Variants in FBN1 observed in about 807,000 individuals in gnomAD.
The protein encoded by FBN1 is fibrillin 1.
Under a neutral mutation model 365.1 loss-of-function variants are expected in FBN1, and 29 were observed. The ratio of observed to expected loss-of-function variants is 0.08; its 90% CI spans 0.06 to 0.11. FBN1 has a LOEUF of 0.11. Ranked by LOEUF, FBN1 falls within the 10% of genes least tolerant of loss-of-function variation. The probability of loss-of-function intolerance (pLI) is 1.00; values close to 1 mark genes in which losing one functional copy is unlikely to be tolerated. For missense variants in FBN1, 2,476 were observed against 3,703.2 expected (o/e 0.67, Z 8.60); for synonymous variants, 1,210 against 1,270.5 (o/e 0.95, Z 1.01).
chr15:48,448,671 T>G, intron 46 of FBN1, 97 bp downstream of exon 46: 2 of 1,212,252 alleles, frequency 1.6e-6, no homozygotes, highest in Non-Finnish European at 2.3e-6. Context: ...ATAGCAAAAA[T>G]ACTACTAAAA....
Position 48,451,672 on chromosome 15 carries a change from C to T in FBN1, c.5545+890G>A, listed in dbSNP as rs149099170. 5.0e-3 allele frequency among the ~76,000 whole-genome samples: 761 copies of T among 152,170 alleles called. 5 individuals carry two copies. Among genetic ancestry groups the T allele is most frequent in the African/African-American group, 0.018 (728 of 41,510 alleles). On this transcript the variant is annotated intron_variant, in intron 45 of 65. Coordinates refer to ENST00000316623, the MANE Select transcript of FBN1 (RefSeq NM_000138.5). Reference sequence around the variant, plus strand: ...CCAGGAAACCCCCCGTGAAATGAACCGTGAGCAAAATAACACATTCTTCCT... The same window carrying T: ...CCAGGAAACCCCCCGTGAAATGAACTGTGAGCAAAATAACACATTCTTCCT...
At chr15:48,551,602 G>A (rs1209290328) in intron 6 of FBN1, among the ~76,000 whole-genome samples, 4 of 151,670 alleles carry the variant, frequency 2.6e-5, no homozygotes, top group Non-Finnish European at 5.9e-5. Context: ...TCGTTGTGCA[G>A]ATTATTTCAT....
chr15:48,515,818 G>C (rs2043796166), intron 11 of FBN1, among the ~76,000 whole-genome samples: 1 of 152,064 alleles, frequency 6.6e-6, no homozygotes, highest in Non-Finnish European at 1.5e-5. Flanking sequence ...AGAGATATTG[G>C]TATTGAACTA....
chr15:48,494,550 C>T (rs2043588177), intron 22 of FBN1, among the ~76,000 whole-genome samples: 1 of 152,188 alleles, frequency 6.6e-6, no homozygotes, highest in African/African-American at 2.4e-5. Flanking sequence ...GTAGCTTTCT[C>T]TCTTGCTGTT....
At chr15:48,623,936 C>A (rs964673350) in intron 2 of FBN1, among the ~76,000 whole-genome samples, 2 of 146,870 alleles carry the variant, frequency 1.4e-5, no homozygotes, top group Non-Finnish European at 3.0e-5. Context: ...CACACACATT[C>A]TCTCTCTCAC....
intron 42 of FBN1, among the ~76,000 whole-genome samples, chr15:48,461,797 ATAAAT>A (rs2043281945): frequency 6.6e-6 from 1 of 152,350 alleles, no homozygotes; most frequent in East Asian, 1.9e-4. Flanking sequence ...CAATATGGAA[ATAAAT>A]TAGTGAGCTC....
chr15:48,548,047 AGAG>A (rs1481954608), intron 6 of FBN1, among the ~76,000 whole-genome samples: 19 of 152,360 alleles, frequency 1.2e-4, no homozygotes, highest in African/African-American at 4.6e-4. Context: ...TTCATCAACA[AGAG>A]AAGATTCCTG....
chr15:48,636,727 G>A (rs1317052143), intron 2 of FBN1, among the ~76,000 whole-genome samples: 1 of 152,122 alleles, frequency 6.6e-6, no homozygotes, highest in Non-Finnish European at 1.5e-5. Flanking sequence ...GCCAGTGCCT[G>A]GTCACAGAAC....
chr15:48,499,203 C>T (rs2043635030), intron 17 of FBN1, among the ~76,000 whole-genome samples, 165 bp from the exon 18 acceptor site: 1 of 152,128 alleles, frequency 6.6e-6, no homozygotes. Flanking sequence ...ACCAGGCTCC[C>T]ATTTTAAAGG....
At chr15:48,465,748 A>T (rs764278423) in intron 39 of FBN1, 42 bp downstream of exon 39, 1 of 1,613,244 alleles carries the variant, frequency 6.2e-7, no homozygotes, top group South Asian at 1.1e-5. Flanking sequence ...ACCCAAGGAA[A>T]TTCAAGTTGT....
At chr15:48,573,863 A>G (rs2044325257) in intron 6 of FBN1, among the ~76,000 whole-genome samples, 1 of 152,230 alleles carries the variant, frequency 6.6e-6, no homozygotes, top group African/African-American at 2.4e-5. Context: ...ACAGGCCAGG[A>G]CGCCATGGAT....
intron 6 of FBN1, among the ~76,000 whole-genome samples, chr15:48,579,556 G>A (rs1316103027): frequency 6.6e-6 from 1 of 152,084 alleles, no homozygotes; most frequent in Non-Finnish European, 1.5e-5. Flanking sequence ...ATGGACATCT[G>A]GAATAGCTCA....
intron 6 of FBN1, among the ~76,000 whole-genome samples, chr15:48,544,965 T>C (rs2044084078): frequency 6.6e-6 from 1 of 152,322 alleles, no homozygotes; most frequent in South Asian, 2.1e-4. Context: ...GGTCTGCAAA[T>C]TCCACTTTAA....
At chr15:48,512,103 A>G (rs939330352) in intron 13 of FBN1, among the ~76,000 whole-genome samples, 2 of 152,208 alleles carry the variant, frequency 1.3e-5, no homozygotes, top group Non-Finnish European at 2.9e-5. Context: ...TTTTCTGCTT[A>G]AAATGGTCAT....
intron 9 of FBN1, among the ~76,000 whole-genome samples, chr15:48,524,655 T>C (rs2043892882): frequency 6.6e-6 from 1 of 151,974 alleles, no homozygotes; most frequent in Non-Finnish European, 1.5e-5. Context: ...GAAGGCAAAA[T>C]GAGGGAAATC....
intron 6 of FBN1, among the ~76,000 whole-genome samples, chr15:48,539,056 T>A (rs966578773): frequency 7.9e-5 from 12 of 152,166 alleles, no homozygotes; most frequent in African/African-American, 2.9e-4. Flanking sequence ...ACATTCTGGA[T>A]CGTAACAATG....
In FBN1 at chr15:48,460,297, C is replaced by G; in HGVS notation, c.5245G>C (p.Gly1749Arg). Reference protein sequence around the residue: ...PSTDEFATLCGSQRPGFVIDI... With the variant: ...PSTDEFATLCRSQRPGFVIDI... ...ATGACAAAGCCTGGCCTTTGACTTC[C>G]ACAGAGTGTAGCAAACTCATCTGCA... is the stretch of plus-strand genomic sequence containing the variant. The change falls in exon 43 of 66, where the codon GGA becomes CGA. Residue 1749 changes from glycine to arginine, a missense_variant. Gly to Arg is a moderately radical substitution (Grantham distance 125). Coordinates refer to ENST00000316623, the MANE Select transcript of FBN1 (RefSeq NM_000138.5). The G allele has an allele frequency of 6.2e-7, 1 of 1,613,286 alleles. No individual in the cohort carries two copies. Among genetic ancestry groups the G allele is most frequent in the Non-Finnish European group, 8.5e-7 (1 of 1,179,342 alleles).
At chr15:48,603,989 C>T (rs2044587176) in intron 4 of FBN1, among the ~76,000 whole-genome samples, 1 of 152,234 alleles carries the variant, frequency 6.6e-6, no homozygotes, top group African/African-American at 2.4e-5. Flanking sequence ...GTCAGTCAGT[C>T]ATTTCAGTCA....
chr15:48,638,342 A>G (rs1016763238), intron 2 of FBN1, among the ~76,000 whole-genome samples: 1 of 152,218 alleles, frequency 6.6e-6, no homozygotes, highest in Non-Finnish European at 1.5e-5. Flanking sequence ...TGGGAAACGA[A>G]GGTATAAAAG....
Sources: allele counts gnomAD v4.1 joint callset (sites outside exome capture counted in the v4.1 genomes callset), GRCh38; gene constraint gnomAD v4.1.1; transcripts MANE v1.5; gene names NCBI Gene and HGNC (gene_info 2026-07-23, HGNC 2026-07-21).